The following AFF3 variants were observed in gnomAD, a reference collection of about 807,000 sequenced individuals.
AFF3 encodes AF4/FMR2 family member 3.
Under a neutral mutation model 129.7 loss-of-function variants are expected in AFF3, and 32 were observed. The observed-to-expected ratio is 0.25, with a 90% confidence interval of 0.19 to 0.33. The LOEUF (loss-of-function observed/expected upper bound fraction) is 0.33, where lower values mean the gene tolerates loss of function less well. Ranked by LOEUF, AFF3 falls within the 10% of genes least tolerant of loss-of-function variation. The pLI, the probability that AFF3 is intolerant of heterozygous loss-of-function variation, is 1.00. For synonymous variants in AFF3, 644 were observed against 635.4 expected, an observed-to-expected ratio of 1.01 and a Z score of -0.20; for missense variants, 1,373 against 1,592.0, an observed-to-expected ratio of 0.86 and a Z score of 2.34.
intron 8 of AFF3, among the ~76,000 whole-genome samples, chr2:99,809,415 T>TG (rs1686617162): frequency 6.6e-6 from 1 of 152,236 alleles, no homozygotes; most frequent in African/African-American, 2.4e-5. Context: ...TGCACCCTGC[T>TG]GGGGGTCACA....
chr2:99,779,500 C>T (rs1377188501), intron 8 of AFF3, among the ~76,000 whole-genome samples: 1 of 118,080 alleles, frequency 8.5e-6, no homozygotes, highest in Non-Finnish European at 1.6e-5. Context: ...AGTGACCACA[C>T]AGTCACAGTT....
intron 7 of AFF3, among the ~76,000 whole-genome samples, chr2:99,911,553 C>T (rs1695117661): frequency 1.3e-5 from 2 of 152,114 alleles, no homozygotes; most frequent in African/African-American, 4.8e-5. Flanking sequence ...CCCTAGGACT[C>T]ATACTGAACT....
chr2:99,655,583 A>C (rs1314526219), intron 12 of AFF3, among the ~76,000 whole-genome samples: 1 of 152,146 alleles, frequency 6.6e-6, no homozygotes, highest in Admixed American at 6.6e-5. Context: ...GAGCAAGATG[A>C]GGCCAATCCC....
intron 13 of AFF3, among the ~76,000 whole-genome samples, chr2:99,620,466 C>A (rs1681894063): frequency 6.6e-6 from 1 of 152,018 alleles, no homozygotes; most frequent in Non-Finnish European, 1.5e-5. Flanking sequence ...CCTGTTTCTG[C>A]AAAACCAAAA....
At chr2:99,672,254 A>T (rs561169019) in intron 12 of AFF3, among the ~76,000 whole-genome samples, 2 of 151,746 alleles carry the variant, frequency 1.3e-5, no homozygotes, top group Non-Finnish European at 2.9e-5. Context: ...AAAAGAAAAA[A>T]AAAAGGCTCT....
intron 11 of AFF3, 152 bp downstream of exon 11, chr2:99,726,925 C>A (rs1679407220): frequency 2.8e-6 from 2 of 702,834 alleles, no homozygotes; most frequent in Non-Finnish European, 4.4e-6. Flanking sequence ...TGCATCTGCA[C>A]CCAAAGCATT....
chr2:99,589,425 CAG>C (rs1386006302), intron 15 of AFF3, among the ~76,000 whole-genome samples: 20 of 95,716 alleles, frequency 2.1e-4, no homozygotes, highest in Non-Finnish European at 3.6e-4. Flanking sequence ...TTTTTTGAGA[CAG>C]AGTCTCACTC....
At chr2:100,023,954 C>T (rs1199226735) in intron 4 of AFF3, among the ~76,000 whole-genome samples, 2 of 152,114 alleles carry the variant, frequency 1.3e-5, no homozygotes, top group Non-Finnish European at 2.9e-5. Context: ...CTACAGAGGC[C>T]GGGCACGGTG....
At chr2:99,815,828 CTCTG>C (rs1169114049) in intron 8 of AFF3, among the ~76,000 whole-genome samples, 1 of 151,420 alleles carries the variant, frequency 6.6e-6, no homozygotes, top group East Asian at 1.9e-4. Context: ...CTCTCTCTCT[CTCTG>C]TGTGTGTGTG....
chr2:99,888,917 A>C (rs994018717), intron 7 of AFF3, among the ~76,000 whole-genome samples: 2 of 152,244 alleles, frequency 1.3e-5, no homozygotes, highest in Non-Finnish European at 1.5e-5. Context: ...TTACATCATT[A>C]AAGTAAGAAA....
intron 4 of AFF3, among the ~76,000 whole-genome samples, chr2:100,078,385 AT>A (rs1688765912): frequency 6.6e-6 from 1 of 152,110 alleles, no homozygotes; most frequent in Admixed American, 6.6e-5. Flanking sequence ...TTATTTATTT[AT>A]TTTTTTGAAC....
intron 11 of AFF3, among the ~76,000 whole-genome samples, chr2:99,699,192 C>T (rs1053833670): frequency 5.3e-5 from 8 of 152,278 alleles, no homozygotes; most frequent in African/African-American, 1.4e-4. Context: ...CTGCGTTTTC[C>T]TATGAATGCA....
At chr2:99,940,785 GA>G (rs1674964594) in intron 7 of AFF3, among the ~76,000 whole-genome samples, 1 of 152,162 alleles carries the variant, frequency 6.6e-6, no homozygotes. Flanking sequence ...GACTCACCCT[GA>G]ATTCTTTCTT....
At chr2:100,131,470 T>G (rs1003085447) in intron 1 of AFF3, among the ~76,000 whole-genome samples, 3 of 152,090 alleles carry the variant, frequency 2.0e-5, no homozygotes, top group African/African-American at 7.2e-5. Flanking sequence ...TTATTTTTAT[T>G]TTTTTTAGAG....
chr2:99,581,224 C>T (rs1006422722), intron 17 of AFF3, among the ~76,000 whole-genome samples: 2 of 152,218 alleles, frequency 1.3e-5, no homozygotes, highest in Admixed American at 1.3e-4. Flanking sequence ...TTATAGTTCT[C>T]TGCGTATCAT....
chr2:100,105,491 TTTTA>T lies in AFF3; in HGVS notation c.-65+9_-65+12del. Reference sequence around the variant, plus strand: ...AGCCCTGGAAACCAACCTCCTTTCTTTTTATTTCTCACCGGGAAGGGGGACAAAC... The same window carrying T: ...AGCCCTGGAAACCAACCTCCTTTCTTTTTCTCACCGGGAAGGGGGACAAAC... On this transcript the variant is annotated intron_variant, in intron 3 of 24. Transcript: ENST00000672756. The T allele has an allele frequency of 1.5e-6, 2 of 1,328,336 alleles. No homozygotes were observed. Among genetic ancestry groups the T allele is most frequent in the East Asian group, 4.3e-5 (1 of 23,232 alleles). The allele number at this position is 1,328,336 out of a possible 1,614,324, so 82.3% of individuals were successfully genotyped here. A position where few individuals can be genotyped will look rare whatever the true frequency, so the allele number is the denominator to read the frequency against.
chr2:99,839,857 G>A (rs534725701), intron 7 of AFF3, among the ~76,000 whole-genome samples: 3 of 152,040 alleles, frequency 2.0e-5, no homozygotes, highest in South Asian at 2.1e-4. Context: ...TGATCTGTCC[G>A]CCTCAGCCTC....
chr2:99,553,537 G>T (rs991952758), intron 24 of AFF3, among the ~76,000 whole-genome samples: 4 of 152,074 alleles, frequency 2.6e-5, no homozygotes, highest in Admixed American at 6.6e-5. Flanking sequence ...AGCATATGTT[G>T]ATATATATAA....
intron 8 of AFF3, among the ~76,000 whole-genome samples, chr2:99,831,547 TAC>T: frequency 1.3e-5 from 2 of 152,350 alleles, no homozygotes; most frequent in South Asian, 4.1e-4. Context: ...TACTGATAGA[TAC>T]TATGATTTGA....
Sources: allele counts gnomAD v4.1 joint callset (sites outside exome capture counted in the v4.1 genomes callset), GRCh38; gene constraint gnomAD v4.1.1; transcripts MANE v1.5; gene names NCBI Gene and HGNC (gene_info 2026-07-23, HGNC 2026-07-21).